The following RGS6 variants were observed in gnomAD, a reference collection of about 807,000 sequenced individuals.
RGS6 encodes the protein regulator of G protein signaling 6.
Under a neutral mutation model 78.5 loss-of-function variants are expected in RGS6, and 30 were observed. That is an observed-to-expected ratio of 0.38 (90% CI 0.29 to 0.52). The LOEUF is 0.52. Among genes scored for constraint, RGS6 ranks in the 20% least tolerant of loss-of-function variants. The pLI is 0.85. For missense variants in RGS6, 495 were observed against 609.7 expected (o/e 0.81, Z 1.98); for synonymous variants, 206 against 206.0 (o/e 1.00, Z 0.00).
chr14:72,053,732 A>G (rs552608036), intron 2 of RGS6, among the ~76,000 whole-genome samples: 1 of 152,366 alleles, frequency 6.6e-6, no homozygotes, highest in South Asian at 2.1e-4. Context: ...CTTCAAATTA[A>G]TAAGAGCCTT....
At chr14:72,613,648 G>T in the RGS6 span, among the ~76,000 whole-genome samples, 2 of 152,184 alleles carry the variant, frequency 1.3e-5, no homozygotes, top group Non-Finnish European at 2.9e-5. Flanking sequence ...AACCCAGAGA[G>T]AGCCTGTTCC....
chr14:71,934,316 A>C (rs1232642822), intron 1 of RGS6, among the ~76,000 whole-genome samples: 2 of 152,224 alleles, frequency 1.3e-5, no homozygotes, highest in Non-Finnish European at 2.9e-5. Flanking sequence ...GAGAGAGTCT[A>C]TTCCCAATAA....
the RGS6 span, among the ~76,000 whole-genome samples, chr14:72,623,970 C>A: frequency 4.2e-4 from 64 of 152,234 alleles, no homozygotes; most frequent in Admixed American, 4.0e-3. Flanking sequence ...GTCAAAAGGA[C>A]TCAGGATCCA....
At chr14:72,154,536 G>T (rs747811875) in intron 2 of RGS6, among the ~76,000 whole-genome samples, 2 of 152,146 alleles carry the variant, frequency 1.3e-5, no homozygotes, top group Admixed American at 6.5e-5. Flanking sequence ...CCAACAGCTG[G>T]GGACCACTTA....
the RGS6 span, among the ~76,000 whole-genome samples, chr14:71,876,992 T>C: frequency 1.3e-5 from 2 of 152,216 alleles, no homozygotes; most frequent in Non-Finnish European, 2.9e-5. Context: ...TTAAGAATGT[T>C]GAATATTGGC....
intron 2 of RGS6, among the ~76,000 whole-genome samples, chr14:72,229,016 C>T (rs2048860894): frequency 6.6e-6 from 1 of 152,212 alleles, no homozygotes; most frequent in African/African-American, 2.4e-5. Context: ...GATTGTGCCA[C>T]TGCACTCTAG....
chr14:72,594,839 G>A, the RGS6 span: 3 of 152,052 alleles, frequency 2.0e-5, no homozygotes, highest in East Asian at 1.9e-4. Context: ...GGGATGCCTC[G>A]CAGTATGGAC....
chr14:72,159,373 A>G (rs892760964), intron 2 of RGS6, among the ~76,000 whole-genome samples: 5 of 152,168 alleles, frequency 3.3e-5, no homozygotes, highest in Admixed American at 1.3e-4. Context: ...AGGCGCTCCA[A>G]AGAGTAAGGC....
chr14:72,280,628 C>T (rs2061414175), intron 2 of RGS6, among the ~76,000 whole-genome samples: 1 of 152,206 alleles, frequency 6.6e-6, no homozygotes, highest in African/African-American at 2.4e-5. Flanking sequence ...GAAACAATGT[C>T]CTCATTCTCG....
At chr14:72,359,335 T>G (rs1258438771) in intron 3 of RGS6, among the ~76,000 whole-genome samples, 2 of 151,672 alleles carry the variant, frequency 1.3e-5, no homozygotes, top group Non-Finnish European at 2.9e-5. Flanking sequence ...AAAATGGAGT[T>G]GCTATTAATT....
At chr14:72,083,271 A>C (rs773684738) in intron 2 of RGS6, among the ~76,000 whole-genome samples, 1 of 152,116 alleles carries the variant, frequency 6.6e-6, no homozygotes, top group Admixed American at 6.6e-5. Flanking sequence ...AACCAGGTGG[A>C]GTTTTACCTC....
At chr14:72,610,653 C>T in the RGS6 span, among the ~76,000 whole-genome samples, 1 of 152,214 alleles carries the variant, frequency 6.6e-6, no homozygotes, top group African/African-American at 2.4e-5. Context: ...GACAGCACAG[C>T]ATCAGGCCAG....
At chr14:72,076,975 T>TTA (rs979021189) in intron 2 of RGS6, among the ~76,000 whole-genome samples, 34 of 148,396 alleles carry the variant, frequency 2.3e-4, no homozygotes, top group East Asian at 7.8e-4. Flanking sequence ...TATATAAATG[T>TTA]TATATATATA....
In RGS6 at chr14:72,228,562, A is replaced by T. The variant is rs116130792; in HGVS notation, c.85-123533A>T. Among the ~76,000 whole-genome samples the T allele has an allele frequency of 3.5e-3, 538 of 152,302 alleles. 2 individuals are homozygous for T. Among genetic ancestry groups the T allele is most frequent in the African/African-American group, 0.012 (511 of 41,562 alleles). On this transcript the variant is annotated intron_variant, in intron 2 of 17. Coordinates refer to ENST00000553525, the MANE Select transcript of RGS6 (RefSeq NM_001204424.2). ...TAGAAATAGAGCAAGGTGAGGTCAGAGGCAGGGAAATCAACTAGGAAGCCG... is the reference window on the plus strand; with the variant it reads ...TAGAAATAGAGCAAGGTGAGGTCAGTGGCAGGGAAATCAACTAGGAAGCCG...
At chr14:72,053,780 C>A (rs745615920) in intron 2 of RGS6, among the ~76,000 whole-genome samples, 1 of 152,180 alleles carries the variant, frequency 6.6e-6, no homozygotes, top group Non-Finnish European at 1.5e-5. Context: ...AATCTCTCCA[C>A]GAAATTGATC....
chr14:72,302,332 A>G lies in RGS6; in HGVS notation c.85-49763A>G, dbSNP rs1371808360. 2.6e-5 allele frequency among the ~76,000 whole-genome samples: 4 copies of G among 152,236 alleles called. No homozygotes were observed. In the East Asian group the frequency reaches 5.8e-4, roughly 22 times the overall value. On this transcript the variant is annotated intron_variant, in intron 2 of 17. Coordinates refer to ENST00000553525, the MANE Select transcript of RGS6 (RefSeq NM_001204424.2). The stretch of plus-strand genomic sequence containing the variant: ...GTGGCGGAGCCAAGATTCGAACCCA[A>G]GAAGAATGGCTACAGTGCCAACTCT...
At chr14:72,385,404 C>T (rs1376189881) in intron 3 of RGS6, among the ~76,000 whole-genome samples, 6 of 152,116 alleles carry the variant, frequency 3.9e-5, no homozygotes, top group Admixed American at 6.5e-5. Flanking sequence ...ACAGTGTTCA[C>T]ATTTGGAGGG....
chr14:72,556,921 G>A (rs2097586304), intron 17 of RGS6, among the ~76,000 whole-genome samples: 1 of 152,068 alleles, frequency 6.6e-6, no homozygotes, highest in Admixed American at 6.5e-5. Flanking sequence ...ATTTAAAAGG[G>A]GTCAAATAAA....
intron 12 of RGS6, 91 bp from the exon 13 acceptor site, chr14:72,495,061 T>C (rs1391240741): frequency 7.7e-6 from 6 of 774,588 alleles, no homozygotes; most frequent in Non-Finnish European, 1.4e-5. Context: ...TTTAGAATTA[T>C]GTGAAGACTG....
Sources: allele counts gnomAD v4.1 joint callset (sites outside exome capture counted in the v4.1 genomes callset), GRCh38; gene constraint gnomAD v4.1.1; transcripts MANE v1.5; gene names NCBI Gene and HGNC (gene_info 2026-07-23, HGNC 2026-07-21).